The following ZNF827 variants were observed in gnomAD, a reference collection of about 807,000 sequenced individuals.
ZNF827 encodes the protein zinc finger protein 827.
Under a neutral mutation model 102.4 loss-of-function variants are expected in ZNF827, and 13 were observed. The observed-to-expected ratio is 0.13, with a 90% CI of 0.08 to 0.20. The LOEUF is 0.20. Ranked by LOEUF, ZNF827 falls within the 10% of genes least tolerant of loss-of-function variation. The probability of loss-of-function intolerance (pLI) is 1.00; values close to 1 mark genes in which losing one functional copy is unlikely to be tolerated. For missense variants in ZNF827, 1,103 were observed against 1,344.4 expected (o/e 0.82, Z 2.81); for synonymous variants, 523 against 536.2 (o/e 0.98, Z 0.34).
At chr4:145,848,840 C>T (rs4835023) in intron 6 of ZNF827, among the ~76,000 whole-genome samples, 29,222 of 152,118 alleles carry the variant, frequency 0.19, 3,906 homozygotes, top group East Asian at 0.64. Context: ...GGAAATAGTC[C>T]TCATACCTTC....
At chr4:145,771,878 A>T (rs969682417) in intron 11 of ZNF827, among the ~76,000 whole-genome samples, 1 of 152,234 alleles carries the variant, frequency 6.6e-6, no homozygotes, top group Non-Finnish European at 1.5e-5. Flanking sequence ...AAGACAGGAA[A>T]ATCAAATTAG....
At chr4:145,889,719 A>G (rs1750437758) in intron 3 of ZNF827, among the ~76,000 whole-genome samples, 2 of 152,172 alleles carry the variant, frequency 1.3e-5, no homozygotes, top group South Asian at 4.1e-4. Context: ...GCTCACGCCC[A>G]TAATCCCAGT....
chr4:145,767,409 A>G (rs1356825780), intron 11 of ZNF827, among the ~76,000 whole-genome samples: 1 of 152,184 alleles, frequency 6.6e-6, no homozygotes, highest in Non-Finnish European at 1.5e-5. Flanking sequence ...GAAGCTTAAA[A>G]TAAGTTTAAT....
At chr4:145,898,121 C>T (rs533761487) in intron 2 of ZNF827, among the ~76,000 whole-genome samples, 2 of 152,324 alleles carry the variant, frequency 1.3e-5, no homozygotes, top group East Asian at 3.9e-4. Flanking sequence ...CACCACCGCA[C>T]TCTAGCCTGG....
chr4:145,892,523 G>GT (rs1750682373), intron 2 of ZNF827, 108 bp from the exon 3 acceptor site: 4 of 1,233,862 alleles, frequency 3.2e-6, no homozygotes, highest in East Asian at 5.1e-5. Flanking sequence ...AATGATTTGG[G>GT]TTTTTTTCTT....
At chr4:145,884,622 C>A (rs1001326128) in intron 4 of ZNF827, among the ~76,000 whole-genome samples, 1 of 152,086 alleles carries the variant, frequency 6.6e-6, no homozygotes, top group African/African-American at 2.4e-5. Flanking sequence ...AATCCTGCAA[C>A]ACACCTTATC....
At chr4:145,813,396 CT>C (rs1201553568) in intron 8 of ZNF827, among the ~76,000 whole-genome samples, 2 of 151,974 alleles carry the variant, frequency 1.3e-5, no homozygotes, top group African/African-American at 4.8e-5. Flanking sequence ...TAATCTCTTG[CT>C]GTGCCTAATT....
chr4:145,767,535 A>G (rs1321287296), intron 11 of ZNF827, among the ~76,000 whole-genome samples: 1 of 152,184 alleles, frequency 6.6e-6, no homozygotes, highest in African/African-American at 2.4e-5. Flanking sequence ...CAAGCATAAG[A>G]AACACGAAGA....
intron 8 of ZNF827, among the ~76,000 whole-genome samples, chr4:145,794,341 G>A (rs751817168): frequency 6.6e-6 from 1 of 152,174 alleles, no homozygotes; most frequent in Non-Finnish European, 1.5e-5. Context: ...AGCTGAAAAT[G>A]TGGTCACATT....
chr4:145,888,398 C>T (rs564187693), intron 3 of ZNF827, among the ~76,000 whole-genome samples: 40 of 152,310 alleles, frequency 2.6e-4, no homozygotes, highest in Admixed American at 5.9e-4. Flanking sequence ...CTCTAAAGCA[C>T]GTCATTCTCT....
chr4:145,777,918 G>A (rs542328344), intron 9 of ZNF827, among the ~76,000 whole-genome samples: 46 of 151,446 alleles, frequency 3.0e-4, no homozygotes, highest in Non-Finnish European at 6.2e-4. Flanking sequence ...CTTTTTCTTT[G>A]GTCCAATTAG....
chr4:145,917,700 C>CAAAAAAAAAAAAAAA (rs763617063), intron 1 of ZNF827, among the ~76,000 whole-genome samples: 11 of 46,846 alleles, frequency 2.3e-4, no homozygotes, highest in East Asian at 8.5e-4. Flanking sequence ...GGTAGCTGGT[C>CAAAAAAAAAAAAAAA]AAAAAAAAAA....
At chr4:145,840,065 A>G (rs1348552512) in intron 7 of ZNF827, among the ~76,000 whole-genome samples, 4 of 152,374 alleles carry the variant, frequency 2.6e-5, no homozygotes, top group South Asian at 2.1e-4. Flanking sequence ...AAGTACTGAG[A>G]AAGGGCTTGG....
At chr4:145,821,302 A>G (rs1400878786) in intron 8 of ZNF827, among the ~76,000 whole-genome samples, 2 of 152,238 alleles carry the variant, frequency 1.3e-5, no homozygotes, top group Non-Finnish European at 2.9e-5. Flanking sequence ...GAGAATGTAT[A>G]GTAGGTATAT....
chr4:145,821,485 G>A (rs1320877812), intron 8 of ZNF827, among the ~76,000 whole-genome samples: 1 of 152,044 alleles, frequency 6.6e-6, no homozygotes. Context: ...ATGACCACAA[G>A]GTTGTCCCTA....
rs544865786 is a variant in ZNF827, at chr4:145,927,288, C to T, written c.43+11077G>A. Among the ~76,000 whole-genome samples the T allele has an allele frequency of 3.0e-4, 46 of 152,290 alleles. 1 individual carries two copies. The highest frequency in any genetic ancestry group is 7.0e-4 in the African/African-American group (29 of 41,564). ...CAGACAGTGTCACTGCATGTGACTC[C>T]GTTCTACTATTCTCTGCTTAGTCCC... On this transcript the variant is annotated intron_variant, in intron 1 of 14. Coordinates refer to ENST00000508784, the MANE Select transcript of ZNF827 (RefSeq NM_001306215.2).
chr4:145,764,102 T>C (rs748282195), intron 13 of ZNF827, among the ~76,000 whole-genome samples: 3 of 152,238 alleles, frequency 2.0e-5, no homozygotes, highest in Admixed American at 6.5e-5. Context: ...AAAAGGTTTT[T>C]TCCCCCTTGT....
At chr4:145,856,921 T>C (rs1378550009) in intron 5 of ZNF827, among the ~76,000 whole-genome samples, 5 of 148,828 alleles carry the variant, frequency 3.4e-5, no homozygotes, top group Non-Finnish European at 5.9e-5. Flanking sequence ...TTGTTTAAAA[T>C]GATAGAACTA....
chr4:145,831,640 G>C (rs1744219791), intron 7 of ZNF827: 1 of 152,224 alleles, frequency 6.6e-6, no homozygotes, highest in Admixed American at 6.5e-5. Flanking sequence ...AGAAACTGTA[G>C]CAATTAAAAA....
Sources: allele counts gnomAD v4.1 joint callset (sites outside exome capture counted in the v4.1 genomes callset), GRCh38; gene constraint gnomAD v4.1.1; transcripts MANE v1.5; gene names NCBI Gene and HGNC (gene_info 2026-07-23, HGNC 2026-07-21).